PDE4D: variants seen among roughly 807,000 people sequenced by gnomAD.
PDE4D encodes the protein phosphodiesterase 4D, also known as 3',5'-cyclic-AMP phosphodiesterase 4D.
In PDE4D, 24 loss-of-function variants were observed where a neutral mutation model predicts 87.4. The observed-to-expected ratio is 0.27, with a 90% CI of 0.20 to 0.39. PDE4D has a LOEUF of 0.39. PDE4D is among the 10% of genes least tolerant of loss of function. The probability of loss-of-function intolerance (pLI) is 1.00; values close to 1 mark genes in which losing one functional copy is unlikely to be tolerated. For missense variants in PDE4D, 714 were observed against 1,041.0 expected, an observed-to-expected ratio of 0.69 and a Z score of 4.32; for synonymous variants, 384 against 383.2, an observed-to-expected ratio of 1.00 and a Z score of -0.02.
intron 1 of PDE4D, among the ~76,000 whole-genome samples, chr5:59,712,905 G>T (rs1401486489): frequency 6.6e-6 from 1 of 152,056 alleles, no homozygotes; most frequent in Admixed American, 6.6e-5. Flanking sequence ...ACTGTTTAAA[G>T]AATTTTTGAG....
intron 1 of PDE4D, among the ~76,000 whole-genome samples, chr5:59,289,678 T>C (rs1192365653): frequency 1.3e-5 from 2 of 151,962 alleles, no homozygotes; most frequent in Admixed American, 1.3e-4. Flanking sequence ...TTAATAATAC[T>C]GGAAGTCCTT....
At chr5:59,990,822 C>T (rs1158675729) in intron 2 of PDE4D, among the ~76,000 whole-genome samples, 1 of 152,132 alleles carries the variant, frequency 6.6e-6, no homozygotes, top group Non-Finnish European at 1.5e-5. Context: ...GGTGATTAAT[C>T]ATCTTACTTC....
intron 5 of PDE4D, among the ~76,000 whole-genome samples, chr5:59,075,023 T>G (rs1039403532): frequency 1.3e-4 from 19 of 151,482 alleles, no homozygotes; most frequent in African/African-American, 4.6e-4. Context: ...CAATTCTAAT[T>G]TGCTGTTGGC....
At chr5:59,269,512 A>G (rs890590734) in intron 1 of PDE4D, among the ~76,000 whole-genome samples, 1 of 152,100 alleles carries the variant, frequency 6.6e-6, no homozygotes, top group Non-Finnish European at 1.5e-5. Flanking sequence ...CCCAATCCAT[A>G]TAGAGATACA....
chr5:60,316,390 G>C (rs949152912), intron 1 of PDE4D, among the ~76,000 whole-genome samples: 4 of 152,284 alleles, frequency 2.6e-5, no homozygotes, highest in Admixed American at 1.3e-4. Context: ...TTTGGGCTGA[G>C]ACGATGGGGT....
chr5:60,357,056 AC>A (rs1302231727), intron 1 of PDE4D, among the ~76,000 whole-genome samples: 1 of 152,124 alleles, frequency 6.6e-6, no homozygotes, highest in Non-Finnish European at 1.5e-5. Context: ...GCAACTAGAA[AC>A]AGAGGTGGAG....
chr5:60,500,133 C>G (rs1032049609), intron 1 of PDE4D, among the ~76,000 whole-genome samples: 2 of 151,560 alleles, frequency 1.3e-5, no homozygotes, highest in African/African-American at 4.8e-5. Flanking sequence ...TAGTGAGACA[C>G]CATCTCTAGA....
At chr5:59,216,573 T>C (rs997975232) in intron 1 of PDE4D, among the ~76,000 whole-genome samples, 7 of 152,204 alleles carry the variant, frequency 4.6e-5, no homozygotes, top group African/African-American at 1.7e-4. Flanking sequence ...TAACTTACCA[T>C]TGCTCTCAGG....
intron 1 of PDE4D, among the ~76,000 whole-genome samples, chr5:60,205,516 A>T (rs186382036): frequency 6.6e-6 from 1 of 152,308 alleles, no homozygotes; most frequent in Admixed American, 6.5e-5. Context: ...ATTCAAAGGG[A>T]CACTAAAGAG....
At chr5:59,796,818 G>T (rs1766535468) in intron 1 of PDE4D, among the ~76,000 whole-genome samples, 1 of 152,010 alleles carries the variant, frequency 6.6e-6, no homozygotes, top group Admixed American at 6.5e-5. Context: ...ATCATCAAAT[G>T]CAAGAATATG....
chr5:59,624,803 A>G (rs1241738957), intron 1 of PDE4D, among the ~76,000 whole-genome samples: 2 of 152,196 alleles, frequency 1.3e-5, no homozygotes, highest in Non-Finnish European at 2.9e-5. Context: ...TCTGATTGCT[A>G]TAATTGAGTT....
At chr5:59,694,933 ACTACTCATAGGTCAG>A (rs1751530607) in intron 1 of PDE4D, among the ~76,000 whole-genome samples, 1 of 152,186 alleles carries the variant, frequency 6.6e-6, no homozygotes, top group African/African-American at 2.4e-5. Context: ...TCACACAGTA[ACTACTCATAGGTCAG>A]CTCTCCACCA....
intron 5 of PDE4D, among the ~76,000 whole-genome samples, chr5:59,115,779 G>C (rs1262846848): frequency 6.6e-6 from 1 of 152,116 alleles, no homozygotes; most frequent in Non-Finnish European, 1.5e-5. Context: ...TGTACATATA[G>C]AGAAAAGGTT....
intron 1 of PDE4D, among the ~76,000 whole-genome samples, chr5:59,303,199 G>A (rs896768217): frequency 7.9e-5 from 12 of 151,954 alleles, no homozygotes; most frequent in Non-Finnish European, 8.8e-5. Flanking sequence ...TTTGTGAATT[G>A]CCTACTCATG....
intron 1 of PDE4D, among the ~76,000 whole-genome samples, chr5:60,416,621 A>G (rs1742600299): frequency 6.6e-6 from 1 of 152,236 alleles, no homozygotes; most frequent in Admixed American, 6.5e-5. Context: ...GAACATCAGA[A>G]GGAACAAACT....
In PDE4D at chr5:59,827,984, T is replaced by C. The variant is rs1225752940; in HGVS notation, c.455+65184A>G. On this transcript the variant is annotated intron_variant, in intron 1 of 14. Transcript: ENST00000340635. ...CTTATTATTTTCACATAATTGTTTA[T>C]AGAGATTAGGAGAAACTATATACTT... is the stretch of plus-strand genomic sequence containing the variant. Among the ~76,000 whole-genome samples, 4 of 152,112 alleles carry C rather than the reference T, an allele frequency of 2.6e-5. No homozygotes were observed. The East Asian group carries it at 5.8e-4, about 22-fold the overall frequency.
At chr5:59,142,436 T>A (rs1475778379) in intron 5 of PDE4D, among the ~76,000 whole-genome samples, 1 of 152,236 alleles carries the variant, frequency 6.6e-6, no homozygotes, top group Admixed American at 6.5e-5. Flanking sequence ...ATTATTCCCA[T>A]CTCAAAGCAA....
chr5:59,071,567 T>C (rs1181618739), intron 5 of PDE4D, among the ~76,000 whole-genome samples: 3 of 148,900 alleles, frequency 2.0e-5, no homozygotes, highest in Non-Finnish European at 3.0e-5. Context: ...CCATAGCATC[T>C]GCTTTTGTTT....
At chr5:59,498,951 C>G (rs1807740341) in intron 1 of PDE4D, among the ~76,000 whole-genome samples, 1 of 151,924 alleles carries the variant, frequency 6.6e-6, no homozygotes, top group Admixed American at 6.6e-5. Context: ...AATACTCCAC[C>G]CAACAACTAC....
Sources: gnomAD v4.1 joint callset for allele counts (sites outside exome capture counted in the v4.1 genomes callset) on GRCh38, gnomAD v4.1.1 for gene constraint, MANE v1.5 for transcripts, NCBI Gene and HGNC (gene_info 2026-07-23, HGNC 2026-07-21) for gene names.